TMEM131L: variants seen among roughly 807,000 people sequenced by gnomAD.
TMEM131L encodes transmembrane 131 like.
TMEM131L carries 54 observed loss-of-function variants against 192.2 expected under a neutral mutation model. The observed-to-expected ratio is 0.28, with a 90% confidence interval of 0.23 to 0.35. The LOEUF (loss-of-function observed/expected upper bound fraction) is 0.35. TMEM131L is among the 10% of genes least tolerant of loss of function. TMEM131L has a pLI of 1.00. For synonymous variants in TMEM131L, 701 were observed against 704.9 expected, an observed-to-expected ratio of 0.99 and a Z score of 0.09; for missense variants, 1,888 against 1,972.9, an observed-to-expected ratio of 0.96 and a Z score of 0.82.
At chr4:153,625,587 AC>A (rs1427817990) in intron 29 of TMEM131L, among the ~76,000 whole-genome samples, 2 of 152,310 alleles carry the variant, frequency 1.3e-5, no homozygotes, top group African/African-American at 2.4e-5. Flanking sequence ...GTGTAAAAAA[AC>A]AAAAGACAAT....
rs768881073 is a variant in TMEM131L, at chr4:153,558,299, T to G, written c.591T>G (p.Ser197=). 4.3e-6 allele frequency: 7 copies of G among 1,609,692 alleles called. No individual in the cohort carries two copies. The South Asian group carries it at 6.6e-5, about 15-fold the overall frequency. Residue 197 remains serine (S), a synonymous_variant, in exon 7 of 35, where the codon TCT becomes TCG. Transcript: ENST00000409959. ...IGTRRISTEG[S]AKQLPNAYFL... ...CTCGTAGAATCTCTACAGAAGGGTC[T>G]GCAAAGCAGCTACCAAATGCTTATT...
intron 3 of TMEM131L, among the ~76,000 whole-genome samples, chr4:153,525,636 A>G (rs576807419): frequency 1.8e-4 from 27 of 152,264 alleles, no homozygotes; most frequent in African/African-American, 6.5e-4. Context: ...CACCGTGCCC[A>G]GCCCTTTTTC....
intron 1 of TMEM131L, 39 bp downstream of exon 1, chr4:153,466,560 C>T: frequency 1.6e-6 from 2 of 1,279,522 alleles, no homozygotes; most frequent in Non-Finnish European, 2.0e-6. Flanking sequence ...GCCTCTCCAC[C>T]CCGCCCCCGC....
At chr4:153,605,538 T>G (rs1002395091) in intron 25 of TMEM131L, among the ~76,000 whole-genome samples, 1 of 152,136 alleles carries the variant, frequency 6.6e-6, no homozygotes, top group African/African-American at 2.4e-5. Context: ...CAACTAATTT[T>G]TGTACTGTTT....
intron 1 of TMEM131L, 46 bp downstream of exon 1, chr4:153,466,567 C>G: frequency 5.5e-6 from 7 of 1,275,908 alleles, no homozygotes; most frequent in East Asian, 3.2e-5. Flanking sequence ...CACCCCGCCC[C>G]CGCTCTTTCT....
intron 3 of TMEM131L, among the ~76,000 whole-genome samples, chr4:153,491,357 T>A (rs1439921026): frequency 6.6e-6 from 1 of 150,904 alleles, no homozygotes; most frequent in African/African-American, 2.5e-5. Context: ...ATTGGAGGCA[T>A]TTTTTGTCCA....
chr4:153,600,750 T>C (rs925573626), intron 21 of TMEM131L, among the ~76,000 whole-genome samples: 1 of 152,254 alleles, frequency 6.6e-6, no homozygotes, highest in African/African-American at 2.4e-5. Context: ...AGGACTATTT[T>C]AATGGCTGAG....
At chr4:153,489,676 C>G (rs544736070) in intron 3 of TMEM131L, among the ~76,000 whole-genome samples, 1 of 152,222 alleles carries the variant, frequency 6.6e-6, no homozygotes, top group South Asian at 2.1e-4. Context: ...CGGGGTTTCA[C>G]CATGTTGGTC....
intron 3 of TMEM131L, among the ~76,000 whole-genome samples, chr4:153,502,494 G>A (rs74965731): frequency 0.028 from 4,247 of 152,246 alleles, 121 homozygotes; most frequent in South Asian, 0.068. Flanking sequence ...GAGTTAACAC[G>A]AAGGATCATT....
In TMEM131L at chr4:153,587,752, T is replaced by G; in HGVS notation, c.1493T>G (p.Leu498Arg). ...IYSAPTKEGS[L>R]GFEVIAHCGM... is the part of the protein sequence containing the mutation. ...TACTTTTCAATCTAGGAAGGGAGTC[T>G]GGGTTTTGAAGTGATAGCACATTGT... The change falls in exon 15 of 35, where the codon CTG (leucine) becomes CGG (arginine). Residue 498 changes from leucine to arginine, a missense_variant. Coordinates refer to ENST00000409959, the MANE Select transcript of TMEM131L (RefSeq NM_001131007.2). The G allele has an allele frequency of 6.2e-7, 1 of 1,611,010 alleles. No individual in the cohort carries two copies. The highest frequency in any genetic ancestry group is 1.1e-5 in the South Asian group (1 of 91,008).
At chr4:153,627,995 C>G (rs933104707) in intron 31 of TMEM131L, among the ~76,000 whole-genome samples, 2 of 152,224 alleles carry the variant, frequency 1.3e-5, no homozygotes. Flanking sequence ...AGTTCACCTT[C>G]CCTAGTCAGA....
rs566625345 is a variant in TMEM131L, at chr4:153,493,563, G to A, written c.239+19675G>A. ...TAATCCCAGCTACTTGGGAGGCTGA[G>A]GCAGGAGAATCACTTGAACCCAGGA... On this transcript the variant is annotated intron_variant, in intron 3 of 34. Transcript: ENST00000409959. Among the ~76,000 whole-genome samples, 31 of 152,204 alleles carry A rather than the reference G, an allele frequency of 2.0e-4. No homozygotes were observed. The South Asian group carries it at 6.2e-3, about 31-fold the overall frequency.
chr4:153,469,976 C>T (rs1368139004), intron 2 of TMEM131L, among the ~76,000 whole-genome samples: 3 of 151,288 alleles, frequency 2.0e-5, no homozygotes, highest in Admixed American at 2.0e-4. Context: ...AACATATTTG[C>T]CAACACTGTT....
At chr4:153,543,085 C>T (rs969349276) in intron 3 of TMEM131L, among the ~76,000 whole-genome samples, 3 of 152,184 alleles carry the variant, frequency 2.0e-5, no homozygotes, top group African/African-American at 7.2e-5. Context: ...CTTTTTGATT[C>T]CTCTCTTTTG....
intron 3 of TMEM131L, among the ~76,000 whole-genome samples, chr4:153,509,673 T>C (rs1426469971): frequency 6.6e-6 from 1 of 152,172 alleles, no homozygotes; most frequent in East Asian, 1.9e-4. Context: ...GCTGAGATCG[T>C]ACCACTGCAC....
intron 3 of TMEM131L, among the ~76,000 whole-genome samples, chr4:153,509,545 G>A (rs1473659358): frequency 1.3e-5 from 2 of 152,006 alleles, no homozygotes; most frequent in Admixed American, 1.3e-4. Context: ...TGGCCAACAT[G>A]GTGAAACCCT....
At chr4:153,476,658 C>T (rs1656105484) in intron 3 of TMEM131L, among the ~76,000 whole-genome samples, 1 of 152,090 alleles carries the variant, frequency 6.6e-6, no homozygotes, top group Non-Finnish European at 1.5e-5. Flanking sequence ...GATCGCACCA[C>T]TGCACTCCAG....
chr4:153,524,131 G>GTTTTTTTTTTTT (rs57178282), intron 3 of TMEM131L, among the ~76,000 whole-genome samples: 1 of 122,734 alleles, frequency 8.1e-6, no homozygotes, highest in Non-Finnish European at 1.7e-5. Flanking sequence ...TTTCACTTCT[G>GTTTTTTTTTTTT]TTTTTTTTTT....
At chr4:153,620,196 T>C (rs140310994) in intron 26 of TMEM131L, among the ~76,000 whole-genome samples, 2,602 of 152,300 alleles carry the variant, frequency 0.017, 52 homozygotes, top group African/African-American at 0.051. Context: ...TTAATACTTA[T>C]GTATATAATG....
Sources: allele counts gnomAD v4.1 joint callset (sites outside exome capture counted in the v4.1 genomes callset), GRCh38; gene constraint gnomAD v4.1.1; transcripts MANE v1.5; gene names NCBI Gene and HGNC (gene_info 2026-07-23, HGNC 2026-07-21).